SRPK2: variants seen among roughly 807,000 people sequenced by gnomAD.
SRPK2 encodes SFRS protein kinase 2.
Under a neutral mutation model 90.8 loss-of-function variants are expected in SRPK2, and 21 were observed. That is an observed-to-expected ratio of 0.23 (90% CI 0.16 to 0.33). The LOEUF is 0.33. Ranked by LOEUF, SRPK2 falls within the 10% of genes least tolerant of loss-of-function variation. The pLI is 1.00. For synonymous variants in SRPK2, 288 were observed against 311.1 expected (o/e 0.93, Z 0.78); for missense variants, 620 against 869.0 (o/e 0.71, Z 3.60).
At chr7:105,169,481 C>G (rs560631763) in intron 3 of SRPK2, among the ~76,000 whole-genome samples, 2 of 152,136 alleles carry the variant, frequency 1.3e-5, no homozygotes, top group Non-Finnish European at 2.9e-5. Context: ...AATCTCAGCA[C>G]TTTGGGAGGC....
In SRPK2 at chr7:105,358,447, A is replaced by G. The variant is rs117711048; in HGVS notation, c.71+30201T>C. ...ACACCTATAATCCCAGCACTTTGGA[A>G]GGCTGAAGCAAGTGGATCACTTGAG... On this transcript the variant is annotated intron_variant, in intron 2 of 15. Transcript: ENST00000393651. Among the ~76,000 whole-genome samples, 1,397 of 152,296 alleles carry G rather than the reference A, an allele frequency of 9.2e-3. 11 individuals are homozygous for G. The highest frequency in any genetic ancestry group is 0.03 in the South Asian group (145 of 4,828).
In SRPK2 at chr7:105,285,334, AAC is replaced by A. The variant is rs1476202386; in HGVS notation, c.72-81551_72-81550del. On this transcript the variant is annotated intron_variant, in intron 2 of 15. Transcript: ENST00000393651. ...TGGAAGGCAGAGGTTACAGCAAGCC[AAC>A]ATCGTACCACTGCACTCTAAACTGG... 7.3e-5 allele frequency among the ~76,000 whole-genome samples: 11 copies of A among 149,828 alleles called. No homozygotes were observed. The East Asian group carries it at 2.2e-3, about 29-fold the overall frequency.
chr7:105,294,687 G>A (rs6974890), intron 2 of SRPK2, among the ~76,000 whole-genome samples: 65,957 of 151,752 alleles, frequency 0.43, 15,654 homozygotes, highest in South Asian at 0.54. Flanking sequence ...CACCATGCCT[G>A]GCTAATTTTT....
In SRPK2 at chr7:105,142,153, G is replaced by C. The variant is rs1389851900; in HGVS notation, c.1398C>G (p.Thr466=). 6.2e-7 allele frequency: 1 copy of C among 1,614,172 alleles called. No individual in the cohort carries two copies. The highest frequency in any genetic ancestry group is 1.7e-5 in the Admixed American group (1 of 60,020). The part of the protein sequence containing the change: ...IPESQFPEFS[T]SLFSGSLEPV... ...GTTCTAAGGATCCAGAGAACAACGA[G>C]GTGGAAAACTCTGGGAACTGTGACT... Residue 466 remains threonine, a synonymous_variant, in exon 11 of 16, where the codon ACC becomes ACG. Coordinates refer to ENST00000393651, the MANE Select transcript of SRPK2 (RefSeq NM_182692.3).
At chr7:105,231,009 T>C (rs779393873) in intron 2 of SRPK2, among the ~76,000 whole-genome samples, 6 of 152,206 alleles carry the variant, frequency 3.9e-5, no homozygotes, top group Non-Finnish European at 8.8e-5. Flanking sequence ...CTTGTGTCAC[T>C]AAGGTTTGTT....
chr7:105,301,618 T>C (rs1810566232), intron 2 of SRPK2: 10 of 1,609,088 alleles, frequency 6.2e-6, no homozygotes, highest in Non-Finnish European at 7.6e-6. Context: ...TTCTTTTCAA[T>C]ATAGGATAGG....
At chr7:105,248,549 GC>G (rs1328904806) in intron 2 of SRPK2, among the ~76,000 whole-genome samples, 1 of 151,890 alleles carries the variant, frequency 6.6e-6, no homozygotes, top group East Asian at 1.9e-4. Flanking sequence ...GCTGCAGTGA[GC>G]TATGATCATA....
rs551593215 is a variant in SRPK2, at chr7:105,181,432, C to T, written c.230-12167G>A. On this transcript the variant is annotated intron_variant, in intron 3 of 15. Coordinates refer to ENST00000393651, the MANE Select transcript of SRPK2 (RefSeq NM_182692.3). ...CACGCACGCACGTGTATGTTCACTGCGACACTATTCCCAATGACAAAGGCA... is the reference window on the plus strand; with the variant it reads ...CACGCACGCACGTGTATGTTCACTGTGACACTATTCCCAATGACAAAGGCA... Among the ~76,000 whole-genome samples, 8 of 152,256 alleles carry T rather than the reference C, an allele frequency of 5.3e-5. No homozygotes were observed. The South Asian group carries it at 1.7e-3, about 32-fold the overall frequency.
At chr7:105,289,023 G>A (rs1445161941) in intron 2 of SRPK2, among the ~76,000 whole-genome samples, 1 of 149,794 alleles carries the variant, frequency 6.7e-6, no homozygotes, top group Non-Finnish European at 1.5e-5. Context: ...TTGGGAAGCC[G>A]AGGCAGGCAG....
At chr7:105,181,363 G>T (rs911928056) in intron 3 of SRPK2, among the ~76,000 whole-genome samples, 1 of 152,148 alleles carries the variant, frequency 6.6e-6, no homozygotes, top group Non-Finnish European at 1.5e-5. Context: ...ATTCCTTATT[G>T]TGTATACACC....
intron 7 of SRPK2, among the ~76,000 whole-genome samples, chr7:105,156,662 G>C (rs1806542022): frequency 1.3e-5 from 2 of 152,130 alleles, no homozygotes; most frequent in South Asian, 4.2e-4. Flanking sequence ...CATCATACCT[G>C]GCTAATTTTT....
At chr7:105,331,337 A>AAAAAAAAAAAAAAAAG (rs1554512429) in intron 2 of SRPK2, among the ~76,000 whole-genome samples, 2 of 141,940 alleles carry the variant, frequency 1.4e-5, no homozygotes, top group East Asian at 2.1e-4. Flanking sequence ...AAAAAAAAAA[A>AAAAAAAAAAAAAAAAG]CAAATAGTTA....
intron 3 of SRPK2, among the ~76,000 whole-genome samples, chr7:105,197,258 T>A (rs1183114223): frequency 2.6e-5 from 4 of 152,198 alleles, no homozygotes; most frequent in Non-Finnish European, 5.9e-5. Context: ...AAGAAACTCA[T>A]CTGACATGCT....
intron 3 of SRPK2, among the ~76,000 whole-genome samples, chr7:105,193,937 A>T (rs1304379004): frequency 6.6e-6 from 1 of 152,168 alleles, no homozygotes; most frequent in Non-Finnish European, 1.5e-5. Context: ...ATATACTCTA[A>T]TCAATATACA....
intron 2 of SRPK2, among the ~76,000 whole-genome samples, chr7:105,211,688 C>A (rs146191520): frequency 1.8e-3 from 280 of 152,270 alleles, no homozygotes; most frequent in African/African-American, 6.4e-3. Flanking sequence ...CCAGGTACCA[C>A]CTCCAACATT....
chr7:105,168,311 A>G (rs1790351171), intron 4 of SRPK2, among the ~76,000 whole-genome samples: 1 of 152,232 alleles, frequency 6.6e-6, no homozygotes, highest in Non-Finnish European at 1.5e-5. Flanking sequence ...GCACAAGATT[A>G]TTTAAAATAT....
chr7:105,185,081 T>G (rs76535373), intron 3 of SRPK2, among the ~76,000 whole-genome samples: 1 of 152,092 alleles, frequency 6.6e-6, no homozygotes, highest in East Asian at 1.9e-4. Flanking sequence ...AACTTTGGGC[T>G]CATTTCTCGG....
At chr7:105,372,345 T>C (rs892566164) in intron 2 of SRPK2, among the ~76,000 whole-genome samples, 2 of 152,170 alleles carry the variant, frequency 1.3e-5, no homozygotes, top group Admixed American at 6.6e-5. Flanking sequence ...ACTTAAGAAA[T>C]TAAATATCAT....
intron 2 of SRPK2, among the ~76,000 whole-genome samples, chr7:105,317,119 A>G (rs1390697050): frequency 6.6e-6 from 1 of 152,222 alleles, no homozygotes; most frequent in Non-Finnish European, 1.5e-5. Context: ...GAAGTCTCCA[A>G]GATCAAACCT....
Sources: gnomAD v4.1 joint callset for allele counts (sites outside exome capture counted in the v4.1 genomes callset) on GRCh38, gnomAD v4.1.1 for gene constraint, MANE v1.5 for transcripts, NCBI Gene and HGNC (gene_info 2026-07-23, HGNC 2026-07-21) for gene names.